Variants in ARCN1 observed in about 807,000 individuals in gnomAD.
ARCN1 encodes the protein archain 1 coat protein complex I subunit delta.
A neutral mutation model predicts 60.4 loss-of-function variants in ARCN1; 5 were observed. The ratio of observed to expected loss-of-function variants is 0.08; its 90% confidence interval spans 0.04 to 0.17. The LOEUF (loss-of-function observed/expected upper bound fraction) is 0.17. ARCN1 is among the 10% of genes least tolerant of loss of function. The probability of loss-of-function intolerance (pLI) is 1.00; values close to 1 mark genes in which losing one functional copy is unlikely to be tolerated. For missense variants in ARCN1, 464 were observed against 626.5 expected (o/e 0.74, Z 2.77); for synonymous variants, 224 against 220.0 (o/e 1.02, Z -0.16).
chr11:118,578,887 T>C (rs1555074180), intron 1 of ARCN1, among the ~76,000 whole-genome samples: 1 of 81,644 alleles, frequency 1.2e-5, no homozygotes, highest in African/African-American at 3.3e-5. Flanking sequence ...TTTTTTTTTT[T>C]TTTTTTTTTT....
At chr11:118,598,539 G>A (rs539979336) in intron 9 of ARCN1, among the ~76,000 whole-genome samples, 2 of 143,512 alleles carry the variant, frequency 1.4e-5, no homozygotes, top group African/African-American at 5.3e-5. Flanking sequence ...TTTTCACCCA[G>A]GCTGGAGTGC....
chr11:118,575,164 G>C (rs1555073260), intron 1 of ARCN1, among the ~76,000 whole-genome samples: 1 of 152,070 alleles, frequency 6.6e-6, no homozygotes, highest in Non-Finnish European at 1.5e-5. Flanking sequence ...ATTTTTAGTA[G>C]ATACGGGGTT....
At chr11:118,592,535 A>C (rs1161286106) in intron 6 of ARCN1, among the ~76,000 whole-genome samples, 174 bp from the exon 7 acceptor site, 2 of 152,188 alleles carry the variant, frequency 1.3e-5, no homozygotes, top group Admixed American at 1.3e-4. Flanking sequence ...AAGTATCTTA[A>C]ATCATTTTAA....
intron 5 of ARCN1, among the ~76,000 whole-genome samples, chr11:118,586,913 CTG>C (rs1369108993): frequency 1.4e-4 from 21 of 150,606 alleles, no homozygotes; most frequent in African/African-American, 4.6e-4. Context: ...ATTTGAGACA[CTG>C]TTTTTTTCTA....
chr11:118,598,667 G>A (rs1351844823), intron 9 of ARCN1, among the ~76,000 whole-genome samples: 1 of 151,696 alleles, frequency 6.6e-6, no homozygotes, highest in Non-Finnish European at 1.5e-5. Context: ...GCTAATTTTT[G>A]TATATTTGGT....
At chr11:118,594,916 C>T (rs1938994110) in intron 8 of ARCN1, among the ~76,000 whole-genome samples, 1 of 152,126 alleles carries the variant, frequency 6.6e-6, no homozygotes, top group Non-Finnish European at 1.5e-5. Flanking sequence ...GTGGTGCAAC[C>T]TTGGCTTACT....
At chr11:118,575,002 C>T (rs1170694342) in intron 1 of ARCN1, among the ~76,000 whole-genome samples, 2 of 151,964 alleles carry the variant, frequency 1.3e-5, no homozygotes, top group Non-Finnish European at 2.9e-5. Flanking sequence ...GTTTTCGAGA[C>T]GGATTCTCGC....
Position 118,600,775 on chromosome 11 carries a change from G to A in ARCN1, c.*61G>A. 1 of 1,198,724 alleles carries A rather than the reference G, an allele frequency of 8.3e-7. No individual in the cohort carries two copies. Among genetic ancestry groups the A allele is most frequent in the African/African-American group, 1.6e-5 (1 of 64,478 alleles). The allele number at this position is 1,198,724 out of a possible 1,614,324, so 74.3% of individuals were successfully genotyped here. Reference sequence around the variant, plus strand: ...GATTAATAAAGAAGACGCCAATGATGGCTGAAGAGTTTTTCCCAGATTTAC... The same window carrying A: ...GATTAATAAAGAAGACGCCAATGATAGCTGAAGAGTTTTTCCCAGATTTAC... On this transcript the variant is annotated 3_prime_UTR_variant, in exon 10 of 10. Coordinates refer to ENST00000264028, the MANE Select transcript of ARCN1 (RefSeq NM_001655.5).
At chr11:118,582,294 C>T (rs1046147027) in intron 2 of ARCN1, among the ~76,000 whole-genome samples, 1 of 152,118 alleles carries the variant, frequency 6.6e-6, no homozygotes, top group Non-Finnish European at 1.5e-5. Context: ...AGATGTGCAT[C>T]GCCATGCCTG....
At chr11:118,574,838 T>C (rs1207759670) in intron 1 of ARCN1, among the ~76,000 whole-genome samples, 1 of 152,090 alleles carries the variant, frequency 6.6e-6, no homozygotes, top group Non-Finnish European at 1.5e-5. Flanking sequence ...GCTATCATAG[T>C]GCACTGCGGC....
chr11:118,577,218 A>G lies in ARCN1; in HGVS notation c.4-4028A>G, dbSNP rs568707737. On this transcript the variant is annotated intron_variant, in intron 1 of 9. Coordinates refer to ENST00000264028, the MANE Select transcript of ARCN1 (RefSeq NM_001655.5). The stretch of plus-strand genomic sequence containing the variant: ...AACAAATCCTGGAATTCATCAAAGC[A>G]TGATCTAAATTCTGTTTCTTTCTTT... Among the ~76,000 whole-genome samples the G allele has an allele frequency of 7.8e-4, 119 of 152,064 alleles. 1 individual carries two copies. The highest frequency in any genetic ancestry group is 2.7e-3 in the African/African-American group (113 of 41,490).
intron 3 of ARCN1, 68 bp downstream of exon 3, chr11:118,583,426 T>G: frequency 1.4e-6 from 2 of 1,477,970 alleles, no homozygotes; most frequent in Non-Finnish European, 1.8e-6. Flanking sequence ...AATCTCATTT[T>G]CCTATTTTTA....
In ARCN1 at chr11:118,601,931, A is replaced by T; in HGVS notation, c.*1217A>T. Reference sequence around the variant, plus strand: ...ATTTTGGGTACTTAAGCTAAAACGTAATGGCCACAGTCTGTAATCCATTCA... The same window carrying T: ...ATTTTGGGTACTTAAGCTAAAACGTTATGGCCACAGTCTGTAATCCATTCA... On this transcript the variant is annotated 3_prime_UTR_variant, in exon 10 of 10. Transcript: ENST00000264028. 1 of 576,330 alleles carries T rather than the reference A, an allele frequency of 1.7e-6. No individual in the cohort carries two copies. Among genetic ancestry groups the T allele is most frequent in the South Asian group, 2.1e-5 (1 of 47,082 alleles). 35.7% of individuals were successfully genotyped at this position (576,330 alleles called of 1,614,324 possible).
rs1555078239 is a variant in ARCN1 at position 118,602,126 on chromosome 11, T to C, written c.*1412T>C. 3 of 196,172 alleles carry C rather than the reference T, an allele frequency of 1.5e-5. No individual in the cohort carries two copies. The highest frequency in any genetic ancestry group is 5.4e-5 in the Admixed American group (1 of 18,498). The allele number at this position is 196,172 out of a possible 1,614,324, so 12.2% of individuals were successfully genotyped here. On this transcript the variant is annotated 3_prime_UTR_variant, in exon 10 of 10. Coordinates refer to ENST00000264028, the MANE Select transcript of ARCN1 (RefSeq NM_001655.5). ...AGGCTCCATTTCACCATTTGATTTT[T>C]TGCATTTCAGGAGGCAACTGATTGT... is the stretch of plus-strand genomic sequence containing the variant.
Position 118,578,164 on chromosome 11 carries a change from AAAATAAATAAATAAATAAATAAAT to A in ARCN1, c.4-3054_4-3031del, listed in dbSNP as rs10608266. On this transcript the variant is annotated intron_variant, in intron 1 of 9. Coordinates refer to ENST00000264028, the MANE Select transcript of ARCN1 (RefSeq NM_001655.5). ...ACTACAGAGTGAGACACTCTCTCAA[AAAATAAATAAATAAATAAATAAAT>A]AAATAAATAAATAAATAAATAAATA... Among the ~76,000 whole-genome samples the A allele has an allele frequency of 7.1e-5, 10 of 141,614 alleles. No individual in the cohort carries two copies. In the East Asian group the frequency reaches 1.7e-3, roughly 24 times the overall value. The allele number at this position is 141,614 out of a possible 152,430, so 92.9% of individuals were successfully genotyped here.
At chr11:118,586,284 C>CA (rs1938777250) in intron 5 of ARCN1, among the ~76,000 whole-genome samples, 1 of 151,826 alleles carries the variant, frequency 6.6e-6, no homozygotes, top group Non-Finnish European at 1.5e-5. Context: ...TTAGTAGAGA[C>CA]AGAGTTTTGC....
chr11:118,579,720 T>A (rs1164621450), intron 1 of ARCN1, among the ~76,000 whole-genome samples: 1 of 151,838 alleles, frequency 6.6e-6, no homozygotes, highest in African/African-American at 2.4e-5. Context: ...AATAGTCAAA[T>A]ATGTTCTTAA....
chr11:118,593,269 C>G (rs1306489307), intron 7 of ARCN1, among the ~76,000 whole-genome samples: 1 of 152,110 alleles, frequency 6.6e-6, no homozygotes, highest in Non-Finnish European at 1.5e-5. Context: ...CCCTCTGTCA[C>G]CCAGGCTGGA....
intron 9 of ARCN1, among the ~76,000 whole-genome samples, chr11:118,599,934 C>T (rs1939113920): frequency 6.6e-6 from 1 of 150,430 alleles, no homozygotes; most frequent in Non-Finnish European, 1.5e-5. Context: ...AGTGACATAA[C>T]CCCATCAGTG....
Sources: allele counts gnomAD v4.1 joint callset (sites outside exome capture counted in the v4.1 genomes callset), GRCh38; gene constraint gnomAD v4.1.1; transcripts MANE v1.5; gene names NCBI Gene and HGNC (gene_info 2026-07-23, HGNC 2026-07-21).